Variants in APOC2 observed in about 807,000 individuals in gnomAD.
APOC2 encodes apolipoprotein C2.
Under a neutral mutation model 10.2 loss-of-function variants are expected in APOC2, and 6 were observed. That is an observed-to-expected ratio of 0.59 (90% CI 0.32 to 1.16). APOC2 has a LOEUF of 1.16. APOC2 is among the 50% of genes most tolerant of loss of function. APOC2 has a pLI of 0.05. For synonymous variants in APOC2, 56 were observed against 48.5 expected (o/e 1.15, Z -0.64); for missense variants, 110 against 117.6 (o/e 0.94, Z 0.30).
intron 1 of APOC2, 82 bp from the exon 2 acceptor site, chr19:44,948,384 T>TC (rs917128904): frequency 2.1e-5 from 25 of 1,175,104 alleles, no homozygotes; most frequent in East Asian, 7.0e-5. Flanking sequence ...AGGATCTCAG[T>TC]CCCCCCCACC....
intron 1 of APOC2, among the ~76,000 whole-genome samples, 159 bp downstream of exon 1, chr19:44,946,234 T>TGTGTGTGTGTGTGTGTGTGTGTGA (rs1236986911): frequency 1.7e-4 from 22 of 132,900 alleles, no homozygotes; most frequent in African/African-American, 6.5e-4. Flanking sequence ...TGTGTGTGTG[T>TGTGTGTGTGTGTGTGTGTGTGTGA]GAGAGAGAGA....
In APOC2 at chr19:44,949,356, A is replaced by C; in HGVS notation, c.*107A>C. The C allele has an allele frequency of 1.2e-6, 1 of 805,292 alleles. No homozygotes were observed. Among genetic ancestry groups the C allele is most frequent in the Non-Finnish European group, 2.1e-6 (1 of 469,780 alleles). The allele number at this position is 805,292 out of a possible 1,614,324, so 49.9% of individuals were successfully genotyped here. ...CAGTAGCTCTTGCATCCTCCTCCCA[A>C]CTCTAGCCTGAATTCTTTTCAATAA... On this transcript the variant is annotated 3_prime_UTR_variant, in exon 4 of 4. Coordinates refer to ENST00000252490, the MANE Select transcript of APOC2 (RefSeq NM_000483.5).
At position 44,949,170 on chromosome 19, in the gene APOC2, G is replaced by T; in HGVS notation, c.227G>T (p.Ser76Ile). 2 of 1,613,658 alleles carry T rather than the reference G, an allele frequency of 1.2e-6. No individual in the cohort carries two copies. The highest frequency in any genetic ancestry group is 8.5e-7 in the Non-Finnish European group (1 of 1,179,906). The change falls in exon 4 of 4, where the codon AGC becomes ATC. Residue 76 changes from serine (S) to isoleucine (I), a missense_variant. Transcript: ENST00000252490. ...AVDEKLRDLYSKSTAAMSTYT... is the reference protein window; with the variant it reads ...AVDEKLRDLYIKSTAAMSTYT... Reference sequence around the variant, plus strand: ...TGCTTTCTCCCCAGGGACTTGTACAGCAAAAGCACAGCAGCCATGAGCACT... The same window carrying T: ...TGCTTTCTCCCCAGGGACTTGTACATCAAAAGCACAGCAGCCATGAGCACT...
At chr19:44,948,401 G>T (rs1245531249) in intron 1 of APOC2, 65 bp from the exon 2 acceptor site, 3 of 1,379,884 alleles carry the variant, frequency 2.2e-6, no homozygotes, top group African/African-American at 1.4e-5. Flanking sequence ...CACCAGAGTG[G>T]GGCGTGACCA....
At position 44,949,194 on chromosome 19, in the gene APOC2, C is replaced by T. The variant is rs747255298; in HGVS notation, c.251C>T (p.Thr84Ile). The change falls in exon 4 of 4, where the codon ACT (threonine) becomes ATT (isoleucine). Residue 84 changes from threonine (T) to isoleucine (I), a missense_variant. Coordinates refer to ENST00000252490, the MANE Select transcript of APOC2 (RefSeq NM_000483.5). The part of the protein sequence containing the change: ...LYSKSTAAMS[T>I]YTGIFTDQVL... The stretch of plus-strand genomic sequence containing the variant: ...AGCAAAAGCACAGCAGCCATGAGCA[C>T]TTACACAGGCATTTTTACTGACCAA... The T allele has an allele frequency of 6.2e-7, 1 of 1,614,076 alleles. No homozygotes were observed. Among genetic ancestry groups the T allele is most frequent in the Admixed American group, 1.7e-5 (1 of 59,984 alleles).
intron 1 of APOC2, 98 bp from the exon 2 acceptor site, chr19:44,948,368 C>A: frequency 1.9e-6 from 2 of 1,035,228 alleles, no homozygotes; most frequent in Non-Finnish European, 1.5e-6. Context: ...CGAGCTCACA[C>A]AGAGCAGGAT....
rs1236986911 is a variant in APOC2 at position 44,946,234 on chromosome 19, T to TGTGAGA, written c.-14+160_-14+161insTGAGAG. 2.7e-3 allele frequency among the ~76,000 whole-genome samples: 364 copies of TGTGAGA among 132,878 alleles called. 2 individuals carry two copies. The highest frequency in any genetic ancestry group is 0.01 in the African/African-American group (350 of 33,684). 87.2% of individuals were successfully genotyped at this position (132,878 alleles called of 152,430 possible). A position where few individuals can be genotyped will look rare whatever the true frequency, so the allele number is the denominator to read the frequency against. ...GTGTGTGTGTGTGTGTGTGTGTGTG[T>TGTGAGA]GAGAGAGAGAGAGAGGGAGATGGAG... is the stretch of plus-strand genomic sequence containing the variant. On this transcript the variant is annotated intron_variant, in intron 1 of 3. Coordinates refer to ENST00000252490, the MANE Select transcript of APOC2 (RefSeq NM_000483.5).
In APOC2 at chr19:44,948,718, C is replaced by A. The variant is rs144145394; in HGVS notation, c.73C>A (p.Gln25Lys). The A allele has an allele frequency of 4.3e-6, 7 of 1,614,036 alleles. No individual in the cohort carries two copies. In the African/African-American group the frequency reaches 5.3e-5, roughly 12 times the overall value. Reference protein sequence around the residue: ...VLGFEVQGTQQPQQDEMPSPT... With the variant: ...VLGFEVQGTQKPQQDEMPSPT... ...CCCTGCAGAGGTCCAGGGGACCCAA[C>A]AGCCCCAGCAAGATGAGATGCCTAG... Residue 25 changes from glutamine (Q) to lysine (K), a missense_variant, in exon 3 of 4, where the codon CAG becomes AAG. Gln to Lys is a moderately conservative substitution (Grantham distance 53). Transcript: ENST00000252490.
At position 44,948,489 on chromosome 19, in the gene APOC2, G is replaced by A. The variant is rs750459826; in HGVS notation, c.11G>A (p.Arg4Gln). MGTRLLPALFLVLL... is the reference protein window; with the variant it reads MGTQLLPALFLVLL... Reference sequence around the variant, plus strand: ...AGGTCTCTGGACACTATGGGCACACGACTCCTCCCAGCTCTGTTTCTTGTC... The same window carrying A: ...AGGTCTCTGGACACTATGGGCACACAACTCCTCCCAGCTCTGTTTCTTGTC... The change falls in exon 2 of 4, where the codon CGA (arginine) becomes CAA (glutamine). Residue 4 changes from arginine to glutamine, a missense_variant. Physicochemically the swap from Arg to Gln is conservative, Grantham distance 43. Coordinates refer to ENST00000252490, the MANE Select transcript of APOC2 (RefSeq NM_000483.5). The A allele has an allele frequency of 1.5e-5, 24 of 1,613,866 alleles. No homozygotes were observed. The Middle Eastern group carries it at 6.6e-4, about 44-fold the overall frequency.
intron 1 of APOC2, among the ~76,000 whole-genome samples, chr19:44,947,589 A>C (rs1449866326): frequency 9.9e-5 from 15 of 152,112 alleles, no homozygotes; most frequent in Non-Finnish European, 2.9e-5. Context: ...TGAGCCCAGG[A>C]GTTCCAGACC....
chr19:44,948,359 G>C (rs965482305), intron 1 of APOC2, 107 bp from the exon 2 acceptor site: 3 of 938,916 alleles, frequency 3.2e-6, no homozygotes, highest in Non-Finnish European at 5.3e-6. Flanking sequence ...CTGGGACACC[G>C]AGCTCACACA....
chr19:44,949,501 G>A lies in APOC2; in HGVS notation c.*252G>A. 5.5e-6 allele frequency: 3 copies of A among 550,292 alleles called. No homozygotes were observed. Among genetic ancestry groups the A allele is most frequent in the East Asian group, 3.2e-5 (1 of 31,484 alleles). 34.1% of individuals were successfully genotyped at this position (550,292 alleles called of 1,614,324 possible). A position where few individuals can be genotyped will look rare whatever the true frequency, so the allele number is the denominator to read the frequency against. On this transcript the variant is annotated 3_prime_UTR_variant, in exon 4 of 4. Transcript: ENST00000252490. ...AATGAGCACCTACTTTATGTATGGA[G>A]CTCTAACCCATGGGTCCATGGGAAT...
At position 44,948,550 on chromosome 19, in the gene APOC2, G is replaced by T; in HGVS notation, c.55+17G>T. 1 of 1,612,860 alleles carries T rather than the reference G, an allele frequency of 6.2e-7. No individual in the cohort carries two copies. Among genetic ancestry groups the T allele is most frequent in the South Asian group, 1.1e-5 (1 of 91,044 alleles). On this transcript the variant is annotated intron_variant, in intron 2 of 3. Transcript: ENST00000252490. Reference sequence around the variant, plus strand: ...TGGGATTTGGTGAGTGTGGGCTTCCGGGGAGGGAAGCCTTGGGGAGGGGAA... The same window carrying T: ...TGGGATTTGGTGAGTGTGGGCTTCCTGGGAGGGAAGCCTTGGGGAGGGGAA...
At chr19:44,947,592 T>G (rs1970335916) in intron 1 of APOC2, among the ~76,000 whole-genome samples, 1 of 152,018 alleles carries the variant, frequency 6.6e-6, no homozygotes. Context: ...GCCCAGGAGT[T>G]CCAGACCAGC....
intron 1 of APOC2, among the ~76,000 whole-genome samples, 159 bp downstream of exon 1, chr19:44,946,234 T>TGTGA (rs1236986911): frequency 0.021 from 2,847 of 132,612 alleles, 70 homozygotes; most frequent in African/African-American, 0.054. Context: ...TGTGTGTGTG[T>TGTGA]GAGAGAGAGA....
intron 1 of APOC2, among the ~76,000 whole-genome samples, chr19:44,946,692 T>C (rs2122206222): frequency 6.6e-6 from 1 of 151,922 alleles, no homozygotes; most frequent in African/African-American, 2.4e-5. Context: ...TGTGGTAGCA[T>C]ATGCCTGTAA....
intron 1 of APOC2, chr19:44,947,153 G>GGAA (rs1555793507): frequency 2.0e-5 from 3 of 148,834 alleles, no homozygotes; most frequent in African/African-American, 7.4e-5. Context: ...CCTTGTCTTG[G>GGAA]AAAAAAAAAA....
Position 44,949,538 on chromosome 19 carries a change from T to G in APOC2, c.*289T>G, listed in dbSNP as rs528576295. 2.3e-6 allele frequency: 1 copy of G among 436,814 alleles called. No homozygotes were observed. The highest frequency in any genetic ancestry group is 2.0e-5 in the African/African-American group (1 of 50,536). 27.1% of individuals were successfully genotyped at this position (436,814 alleles called of 1,614,324 possible). A position where few individuals can be genotyped will look rare whatever the true frequency, so the allele number is the denominator to read the frequency against. ...GGGTCCATGGGAATAAAGCAGTGAA[T>G]AGTAACAATAAATAATCGTAACAGC... On this transcript the variant is annotated 3_prime_UTR_variant, in exon 4 of 4. Coordinates refer to ENST00000252490, the MANE Select transcript of APOC2 (RefSeq NM_000483.5).
chr19:44,949,103 C>T, intron 3 of APOC2, 56 bp from the exon 4 acceptor site: 2 of 1,506,270 alleles, frequency 1.3e-6, no homozygotes, highest in Non-Finnish European at 1.8e-6. Context: ...CCCTCAGACC[C>T]AGGAGTCCAG....
Sources: allele counts gnomAD v4.1 joint callset (sites outside exome capture counted in the v4.1 genomes callset), GRCh38; gene constraint gnomAD v4.1.1; transcripts MANE v1.5; gene names NCBI Gene and HGNC (gene_info 2026-07-23, HGNC 2026-07-21).